Variants in MARCHF10 observed in about 807,000 individuals in gnomAD.
MARCHF10 encodes membrane associated ring-CH-type finger 10.
Under a neutral mutation model 76.2 loss-of-function variants are expected in MARCHF10, and 64 were observed. The ratio of observed to expected loss-of-function variants is 0.84; its 90% CI spans 0.69 to 1.03. The LOEUF is 1.03. Ranked by LOEUF, MARCHF10 falls within the 50% of genes least tolerant of loss-of-function variation. The pLI, the probability that MARCHF10 is intolerant of heterozygous loss-of-function variation, is 0.00. For synonymous variants in MARCHF10, 340 were observed against 357.5 expected (o/e 0.95, Z 0.55); for missense variants, 875 against 958.0 (o/e 0.91, Z 1.14).
intron 2 of MARCHF10, among the ~76,000 whole-genome samples, chr17:62,794,844 G>A (rs1016573908): frequency 6.6e-6 from 1 of 152,134 alleles, no homozygotes; most frequent in Non-Finnish European, 1.5e-5. Flanking sequence ...TGTTGTTCTT[G>A]CGATCTGACT....
At chr17:62,770,711 T>C (rs556237653) in intron 3 of MARCHF10, among the ~76,000 whole-genome samples, 1 of 152,090 alleles carries the variant, frequency 6.6e-6, no homozygotes, top group Admixed American at 6.5e-5. Context: ...CAGCTAATTT[T>C]TGTATTTTTA....
intron 4 of MARCHF10, chr17:62,750,514 CAG>C (rs765635889): frequency 2.0e-5 from 3 of 152,982 alleles, no homozygotes; most frequent in East Asian, 1.9e-4. Context: ...CAACACAGAA[CAG>C]GGGGTGCTTG....
chr17:62,752,796 C>T (rs1223251001), intron 4 of MARCHF10, among the ~76,000 whole-genome samples: 1 of 151,998 alleles, frequency 6.6e-6, no homozygotes, highest in Non-Finnish European at 1.5e-5. Context: ...CTTTTGCTCC[C>T]GCTCAAGCCC....
intron 5 of MARCHF10, among the ~76,000 whole-genome samples, chr17:62,739,827 G>A (rs369899592): frequency 3.3e-5 from 5 of 152,264 alleles, no homozygotes; most frequent in South Asian, 4.1e-4. Context: ...ATCAGCAAGG[G>A]CCGCTTTTGA....
chr17:62,803,655 G>A (rs917464200), intron 1 of MARCHF10, among the ~76,000 whole-genome samples: 7 of 152,154 alleles, frequency 4.6e-5, no homozygotes, highest in African/African-American at 1.7e-4. Context: ...AAGTAGCTGG[G>A]ATTACAGGCA....
intron 4 of MARCHF10, among the ~76,000 whole-genome samples, chr17:62,758,828 G>A (rs1216659012): frequency 6.6e-6 from 1 of 152,184 alleles, no homozygotes; most frequent in African/African-American, 2.4e-5. Context: ...CAGTTAGCCT[G>A]GATCCTTTCC....
intron 2 of MARCHF10, among the ~76,000 whole-genome samples, chr17:62,796,043 C>T (rs538270275): frequency 1.4e-4 from 21 of 150,880 alleles, no homozygotes; most frequent in African/African-American, 4.4e-4. Flanking sequence ...CTTACTCTGT[C>T]GCTGAGGCTG....
chr17:62,797,895 T>C (rs117905434), intron 2 of MARCHF10, among the ~76,000 whole-genome samples: 195 of 142,476 alleles, frequency 1.4e-3, no homozygotes, highest in Middle Eastern at 3.6e-3. Context: ...AAGGCACAAG[T>C]GCGTGAGTTC....
At chr17:62,708,041 T>C (rs1323159039) in intron 9 of MARCHF10, among the ~76,000 whole-genome samples, 6 of 152,082 alleles carry the variant, frequency 3.9e-5, no homozygotes, top group African/African-American at 1.4e-4. Flanking sequence ...AAAGCTGCAA[T>C]GAGCTGTCAT....
At chr17:62,802,186 CAAGCAGCA>C (rs531832897) in intron 1 of MARCHF10, among the ~76,000 whole-genome samples, 164 of 152,220 alleles carry the variant, frequency 1.1e-3, no homozygotes, top group African/African-American at 3.7e-3. Context: ...TGGAGTATAG[CAAGCAGCA>C]AAGCAGACAC....
chr17:62,770,543 CTT>C (rs35664995), intron 3 of MARCHF10, among the ~76,000 whole-genome samples: 3 of 136,512 alleles, frequency 2.2e-5, no homozygotes, highest in Non-Finnish European at 1.6e-5. Flanking sequence ...TGTATTTTGA[CTT>C]TTTTTTTTTT....
intron 4 of MARCHF10, among the ~76,000 whole-genome samples, chr17:62,754,424 G>A (rs2091983036): frequency 6.6e-6 from 1 of 152,172 alleles, no homozygotes; most frequent in South Asian, 2.1e-4. Context: ...GTCAAGCAGT[G>A]TTCTTATGGA....
intron 6 of MARCHF10, among the ~76,000 whole-genome samples, chr17:62,728,658 G>A (rs762344616): frequency 3.9e-5 from 6 of 152,124 alleles, no homozygotes; most frequent in Non-Finnish European, 7.4e-5. Flanking sequence ...CAAGAGATAA[G>A]GAGGATTTCT....
At chr17:62,743,534 T>C (rs1404291996) in intron 5 of MARCHF10, among the ~76,000 whole-genome samples, 1 of 152,038 alleles carries the variant, frequency 6.6e-6, no homozygotes, top group Non-Finnish European at 1.5e-5. Context: ...TCCCAGCTAC[T>C]TGGGAGGCTG....
At position 62,728,852 on chromosome 17, in the gene MARCHF10, G is replaced by C. The variant is rs370666029; in HGVS notation, c.1938-3748C>G. ...TTCTTATACATGCAAAGGAGAATGG[G>C]CAAATCCAAATCAGAGTGAAGGATT... On this transcript the variant is annotated intron_variant, in intron 6 of 10. Transcript: ENST00000311269. Among the ~76,000 whole-genome samples, 4 of 152,218 alleles carry C rather than the reference G, an allele frequency of 2.6e-5. No homozygotes were observed. The East Asian group carries it at 7.7e-4, about 29-fold the overall frequency.
At chr17:62,703,579 G>C (rs1599016226) in intron 10 of MARCHF10, 1 of 153,512 alleles carries the variant, frequency 6.5e-6, no homozygotes, top group South Asian at 2.1e-4. Context: ...GCTGGGGGCA[G>C]GTGGAGATGG....
intron 4 of MARCHF10, among the ~76,000 whole-genome samples, chr17:62,755,978 G>A (rs544983594): frequency 3.3e-5 from 5 of 151,916 alleles, no homozygotes; most frequent in Admixed American, 1.3e-4. Flanking sequence ...GCTAGGTGTG[G>A]TGGCTCATGC....
At chr17:62,718,153 G>T (rs1487154324) in intron 8 of MARCHF10, among the ~76,000 whole-genome samples, 3 of 152,194 alleles carry the variant, frequency 2.0e-5, no homozygotes, top group Non-Finnish European at 1.5e-5. Flanking sequence ...GACCTGTGAG[G>T]TGTGAGTTAA....
At chr17:62,785,364 T>C (rs1042814937) in intron 3 of MARCHF10, among the ~76,000 whole-genome samples, 5 of 152,192 alleles carry the variant, frequency 3.3e-5, no homozygotes, top group African/African-American at 9.6e-5. Context: ...ACACCTTATA[T>C]AAAAATTAAC....
Sources: allele counts gnomAD v4.1 joint callset (sites outside exome capture counted in the v4.1 genomes callset), GRCh38; gene constraint gnomAD v4.1.1; transcripts MANE v1.5; gene names NCBI Gene and HGNC (gene_info 2026-07-23, HGNC 2026-07-21).